OCA2: variants seen among roughly 807,000 people sequenced by gnomAD.
The protein encoded by OCA2 is P protein.
Under a neutral mutation model 100.2 loss-of-function variants are expected in OCA2, and 77 were observed. The observed-to-expected ratio is 0.77, with a 90% CI of 0.64 to 0.93. OCA2 has a LOEUF of 0.93. Among genes scored for constraint, OCA2 ranks in the 40% least tolerant of loss-of-function variants. The pLI is 0.00. For missense variants in OCA2, 1,062 were observed against 1,089.1 expected, an observed-to-expected ratio of 0.98 and a Z score of 0.35; for synonymous variants, 432 against 439.2, an observed-to-expected ratio of 0.98 and a Z score of 0.21.
chr15:27,797,300 A>G (rs919862429), intron 23 of OCA2, among the ~76,000 whole-genome samples: 7 of 152,186 alleles, frequency 4.6e-5, no homozygotes, highest in Admixed American at 4.6e-4. Flanking sequence ...TCTTCTTGCT[A>G]GTTACCTGTG....
chr15:27,796,594 T>A (rs1178757279), intron 23 of OCA2, among the ~76,000 whole-genome samples: 1 of 151,660 alleles, frequency 6.6e-6, no homozygotes, highest in Non-Finnish European at 1.5e-5. Context: ...AAGCACGGAG[T>A]CAGGGCAGGG....
intron 19 of OCA2, among the ~76,000 whole-genome samples, chr15:27,905,024 C>T (rs560114978): frequency 6.6e-6 from 1 of 152,080 alleles, no homozygotes; most frequent in Non-Finnish European, 1.5e-5. Flanking sequence ...ATTAGCCGGG[C>T]GTGGTGGTGG....
At chr15:27,838,067 G>A (rs1046677370) in intron 23 of OCA2, among the ~76,000 whole-genome samples, 1 of 151,984 alleles carries the variant, frequency 6.6e-6, no homozygotes, top group Non-Finnish European at 1.5e-5. Flanking sequence ...AACAGAGCAT[G>A]AGAATCTAAA....
At chr15:28,010,301 G>A (rs2141192750) in intron 9 of OCA2, among the ~76,000 whole-genome samples, 1 of 152,270 alleles carries the variant, frequency 6.6e-6, no homozygotes, top group African/African-American at 2.4e-5. Context: ...GTGAAAGACT[G>A]AATGCTTTCC....
intron 14 of OCA2, among the ~76,000 whole-genome samples, chr15:27,970,724 A>C (rs1231680470): frequency 1.3e-5 from 2 of 150,704 alleles, no homozygotes; most frequent in Non-Finnish European, 2.9e-5. Context: ...AAACGTGAAA[A>C]ACATCCCAGC....
At chr15:28,070,524 G>A (rs1222235492) in intron 2 of OCA2, among the ~76,000 whole-genome samples, 140 of 141,200 alleles carry the variant, frequency 9.9e-4, no homozygotes, top group African/African-American at 2.8e-3. Context: ...CAGCCGCCCC[G>A]TCCGGGAGGG....
rs1423591219 is a variant in OCA2, at chr15:27,941,830, A to T, written c.1951+9954T>A. Among the ~76,000 whole-genome samples the T allele has an allele frequency of 6.6e-5, 10 of 152,340 alleles. No individual in the cohort carries two copies. The East Asian group carries it at 1.7e-3, about 26-fold the overall frequency. On this transcript the variant is annotated intron_variant, in intron 18 of 23. Coordinates refer to ENST00000354638, the MANE Select transcript of OCA2 (RefSeq NM_000275.3). ...AATGTAAATCACAGCTGAAATTTCC[A>T]AACAGATGGAAAAAACAAGTTCACA...
At chr15:27,884,157 A>C (rs989014322) in intron 19 of OCA2, among the ~76,000 whole-genome samples, 6 of 152,294 alleles carry the variant, frequency 3.9e-5, no homozygotes, top group Admixed American at 6.5e-5. Flanking sequence ...CAAGGTGGGC[A>C]GATCACTTGA....
intron 23 of OCA2, among the ~76,000 whole-genome samples, chr15:27,814,893 TAGATAGA>T (rs1368164875): frequency 7.7e-5 from 9 of 117,382 alleles, no homozygotes; most frequent in Admixed American, 5.0e-4. Flanking sequence ...TATAGATAGA[TAGATAGA>T]TAGATAGATA....
At chr15:27,897,296 G>A (rs531965414) in intron 19 of OCA2, among the ~76,000 whole-genome samples, 58 of 152,240 alleles carry the variant, frequency 3.8e-4, no homozygotes, top group African/African-American at 1.3e-3. Flanking sequence ...TCCCTGCCCT[G>A]TGTAGCCCAG....
At chr15:27,803,476 G>A (rs2033697314) in intron 23 of OCA2, among the ~76,000 whole-genome samples, 1 of 152,166 alleles carries the variant, frequency 6.6e-6, no homozygotes, top group Non-Finnish European at 1.5e-5. Context: ...ACTGAAATAA[G>A]CCCATCACGA....
At chr15:28,020,409 A>G (rs1447082499) in intron 6 of OCA2, among the ~76,000 whole-genome samples, 1 of 152,038 alleles carries the variant, frequency 6.6e-6, no homozygotes. Flanking sequence ...CTCCTGCCTG[A>G]GTCCCACTGA....
At chr15:27,898,904 TATA>T (rs1014674070) in intron 19 of OCA2, among the ~76,000 whole-genome samples, 6 of 152,234 alleles carry the variant, frequency 3.9e-5, no homozygotes, top group African/African-American at 1.4e-4. Flanking sequence ...ATCAATTCTA[TATA>T]ATCTTTTCCA....
At chr15:27,971,486 C>T (rs532347036) in intron 14 of OCA2, among the ~76,000 whole-genome samples, 38 of 152,228 alleles carry the variant, frequency 2.5e-4, no homozygotes, top group African/African-American at 6.3e-4. Context: ...GGTTGGTGCG[C>T]GTGGATGCTA....
At chr15:27,745,308 G>T in the OCA2 span, among the ~76,000 whole-genome samples, 1 of 152,074 alleles carries the variant, frequency 6.6e-6, no homozygotes, top group African/African-American at 2.4e-5. Context: ...CTGTTACAAG[G>T]GTTTGTAGTA....
chr15:27,800,514 C>G (rs1010018465), intron 23 of OCA2, among the ~76,000 whole-genome samples: 2 of 152,070 alleles, frequency 1.3e-5, no homozygotes, highest in African/African-American at 2.4e-5. Context: ...GGCAGTACTA[C>G]AGATTATACA....
At position 27,951,647 on chromosome 15, in the gene OCA2, C is replaced by CA. The variant is rs56887448; in HGVS notation, c.1951+136dup. ...GCCCTTCTTCCCAGGGCAGGCTGCC[C>CA]ACCCTCCATCTCAGCCCTCTCTGGC... On this transcript the variant is annotated intron_variant, in intron 18 of 23. Transcript: ENST00000354638. 6.6e-4 allele frequency: 480 copies of CA among 722,976 alleles called. 2 individuals carry two copies. The African/African-American group carries it at 7.8e-3, about 12-fold the overall frequency. The allele number at this position is 722,976 out of a possible 1,614,324, so 44.8% of individuals were successfully genotyped here. A position where few individuals can be genotyped will look rare whatever the true frequency, so the allele number is the denominator to read the frequency against.
chr15:27,929,825 A>AAATTTTTTTTTTTTTTTTTTTTTTTTTTT (rs71132826), intron 18 of OCA2, among the ~76,000 whole-genome samples: 1 of 149,132 alleles, frequency 6.7e-6, no homozygotes, highest in African/African-American at 2.5e-5. Flanking sequence ...CAAATGGGAA[A>AAATTTTTTTTTTTTTTTTTTTTTTTTTTT]TATTTTAAAC....
At chr15:27,848,686 A>T (rs1392011676) in intron 22 of OCA2, among the ~76,000 whole-genome samples, 2 of 152,102 alleles carry the variant, frequency 1.3e-5, no homozygotes, top group African/African-American at 4.8e-5. Flanking sequence ...CTCCAGGGTA[A>T]CTCCTGTGTC....
Sources: gnomAD v4.1 joint callset for allele counts (sites outside exome capture counted in the v4.1 genomes callset) on GRCh38, gnomAD v4.1.1 for gene constraint, MANE v1.5 for transcripts, NCBI Gene and HGNC (gene_info 2026-07-23, HGNC 2026-07-21) for gene names.